Variants in CTNND2 observed in about 807,000 individuals in gnomAD.
The protein encoded by CTNND2 is catenin delta-2.
A neutral mutation model predicts 144.4 loss-of-function variants in CTNND2; 22 were observed. The observed-to-expected ratio is 0.15, with a 90% CI of 0.11 to 0.22. The LOEUF is 0.22. Among genes scored for constraint, CTNND2 ranks in the 10% least tolerant of loss-of-function variants. The probability of loss-of-function intolerance (pLI) is 1.00; values close to 1 mark genes in which losing one functional copy is unlikely to be tolerated. For synonymous variants in CTNND2, 751 were observed against 695.6 expected (o/e 1.08, Z -1.25); for missense variants, 1,353 against 1,618.8 (o/e 0.84, Z 2.82).
chr5:11,607,896 G>A (rs529222701), intron 2 of CTNND2, among the ~76,000 whole-genome samples: 6 of 152,278 alleles, frequency 3.9e-5, no homozygotes, highest in East Asian at 3.9e-4. Flanking sequence ...TGTGTTTCAC[G>A]TTGACACTGT....
At position 10,973,663 on chromosome 5, in the gene CTNND2, G is replaced by C. The variant is rs1251645690; in HGVS notation, c.3468C>G (p.Thr1156=). 6.2e-7 allele frequency: 1 copy of C among 1,613,542 alleles called. No individual in the cohort carries two copies. The highest frequency in any genetic ancestry group is 8.5e-7 in the Non-Finnish European group (1 of 1,179,746). ...PQEPSRKDYE[T]YQPFQNSTRN... The stretch of plus-strand genomic sequence containing the variant: ...TTGTGGAATTCTGAAATGGCTGGTA[G>C]GTCTCGTAATCTTTTCTGCTGGGCT... The change falls in exon 22 of 22, where the codon ACC becomes ACG. Residue 1156 remains threonine (T), a synonymous_variant. Transcript: ENST00000304623. This position sits in a 1 kb window ranked among gnomAD's most constrained non-coding sequence, Gnocchi z 5.6.
chr5:11,502,639 C>T (rs917571547), intron 3 of CTNND2, among the ~76,000 whole-genome samples: 9 of 152,142 alleles, frequency 5.9e-5, no homozygotes, highest in Non-Finnish European at 1.2e-4. Context: ...ATTTTTATCC[C>T]TGTTCATAAC....
intron 2 of CTNND2, among the ~76,000 whole-genome samples, chr5:11,644,951 T>C (rs919865112): frequency 6.6e-6 from 1 of 152,150 alleles, no homozygotes; most frequent in Non-Finnish European, 1.5e-5. Flanking sequence ...GTTATATATA[T>C]GTATATACTT....
chr5:11,790,230 CAATT>C (rs1242969711), intron 1 of CTNND2, among the ~76,000 whole-genome samples: 1 of 152,098 alleles, frequency 6.6e-6, no homozygotes, highest in Non-Finnish European at 1.5e-5. Flanking sequence ...TTTGGTTAAT[CAATT>C]TGAATTGCAT....
At chr5:11,195,889 G>T (rs1047974543) in intron 11 of CTNND2, among the ~76,000 whole-genome samples, 6 of 152,100 alleles carry the variant, frequency 3.9e-5, no homozygotes, top group African/African-American at 9.7e-5. Context: ...CAATAGCTTC[G>T]ATTGGATTTA....
chr5:11,606,468 GA>G (rs112569610), intron 2 of CTNND2, among the ~76,000 whole-genome samples: 3,627 of 152,256 alleles, frequency 0.024, 80 homozygotes, highest in East Asian at 0.1. Flanking sequence ...CGGCTCTTTG[GA>G]CAGAGTTTGA....
At chr5:11,856,401 A>T (rs1171274158) in intron 1 of CTNND2, among the ~76,000 whole-genome samples, 1 of 152,164 alleles carries the variant, frequency 6.6e-6, no homozygotes, top group East Asian at 1.9e-4. Flanking sequence ...GGTCTTTATC[A>T]CTTTTTCAGC....
At chr5:11,800,994 C>G (rs1791650485) in intron 1 of CTNND2, among the ~76,000 whole-genome samples, 1 of 152,100 alleles carries the variant, frequency 6.6e-6, no homozygotes, top group African/African-American at 2.4e-5. Context: ...AGAGGGTGTT[C>G]TTTGCATCTA....
At chr5:11,142,072 C>T (rs1318762761) in intron 12 of CTNND2, among the ~76,000 whole-genome samples, 1 of 152,166 alleles carries the variant, frequency 6.6e-6, no homozygotes, top group Non-Finnish European at 1.5e-5. Flanking sequence ...ATATGCCAGC[C>T]CCCTGACCTT....
intron 1 of CTNND2, among the ~76,000 whole-genome samples, chr5:11,778,024 C>T (rs1317547775): frequency 3.9e-5 from 6 of 152,088 alleles, no homozygotes; most frequent in Non-Finnish European, 8.8e-5. Context: ...CCCAAACTAC[C>T]TGTGATCTCT....
At chr5:11,356,735 G>GA (rs1378046699) in intron 8 of CTNND2, among the ~76,000 whole-genome samples, 1 of 151,484 alleles carries the variant, frequency 6.6e-6, no homozygotes, top group African/African-American at 2.4e-5. Flanking sequence ...AATAGACTGA[G>GA]AAGACAATCT....
chr5:11,603,259 C>G (rs2727578), intron 2 of CTNND2, among the ~76,000 whole-genome samples: 76,926 of 151,692 alleles, frequency 0.51, 20,206 homozygotes, highest in Middle Eastern at 0.71. Flanking sequence ...TAAAATGTTG[C>G]CCACCTACTT....
chr5:11,097,881 A>G lies in CTNND2; in HGVS notation c.2637+694T>C, dbSNP rs561996279. The stretch of plus-strand genomic sequence containing the variant: ...TGCCCTCATTCTTCTAATAGGTCAA[A>G]CTTTTTTATGCAACAAAGCAAATTA... On this transcript the variant is annotated intron_variant, in intron 15 of 21. Transcript: ENST00000304623. Among the ~76,000 whole-genome samples the G allele has an allele frequency of 3.9e-5, 6 of 152,302 alleles. No homozygotes were observed. The South Asian group carries it at 1.2e-3, about 32-fold the overall frequency.
chr5:11,672,729 C>A (rs776242372), intron 2 of CTNND2, among the ~76,000 whole-genome samples: 1 of 152,164 alleles, frequency 6.6e-6, no homozygotes, highest in Non-Finnish European at 1.5e-5. Context: ...GTGGGACCCA[C>A]CGAGCCAGGT....
At chr5:11,887,709 C>T (rs532555761) in intron 1 of CTNND2, among the ~76,000 whole-genome samples, 2 of 152,124 alleles carry the variant, frequency 1.3e-5, no homozygotes, top group Non-Finnish European at 2.9e-5. Flanking sequence ...AGTTCTTTTA[C>T]TATTCCAGGG....
At chr5:11,856,998 G>GA (rs1166186679) in intron 1 of CTNND2, among the ~76,000 whole-genome samples, 2 of 152,124 alleles carry the variant, frequency 1.3e-5, no homozygotes, top group Non-Finnish European at 2.9e-5. Context: ...GCAGACATAT[G>GA]AATGTCCAAT....
chr5:11,886,763 T>A (rs1474004149), intron 1 of CTNND2, among the ~76,000 whole-genome samples: 1 of 152,134 alleles, frequency 6.6e-6, no homozygotes, highest in Non-Finnish European at 1.5e-5. Flanking sequence ...ATTCATAAAA[T>A]AAAGAGTAAT....
intron 2 of CTNND2, among the ~76,000 whole-genome samples, chr5:11,652,043 T>G (rs1782670641): frequency 6.6e-6 from 1 of 151,994 alleles, no homozygotes; most frequent in Admixed American, 6.6e-5. Context: ...GACATGAGAT[T>G]TGGGAGGGGC....
At chr5:11,690,948 T>C (rs954751022) in intron 2 of CTNND2, among the ~76,000 whole-genome samples, 7 of 152,084 alleles carry the variant, frequency 4.6e-5, no homozygotes, top group Non-Finnish European at 1.0e-4. Flanking sequence ...AAAGTGAAAT[T>C]TTAGTTAACA....
Sources: allele counts gnomAD v4.1 joint callset (sites outside exome capture counted in the v4.1 genomes callset), GRCh38; gene constraint gnomAD v4.1.1; non-coding constraint Gnocchi (gnomAD v3.1); transcripts MANE v1.5; gene names NCBI Gene and HGNC (gene_info 2026-07-23, HGNC 2026-07-21).